The following PTPRD variants were observed in gnomAD, a reference collection of about 807,000 sequenced individuals.
The protein encoded by PTPRD is receptor-type tyrosine-protein phosphatase delta.
PTPRD carries 34 observed loss-of-function variants against 214.5 expected under a neutral mutation model. The observed-to-expected ratio is 0.16, with a 90% CI of 0.12 to 0.21. The LOEUF is 0.21. Among genes scored for constraint, PTPRD ranks in the 10% least tolerant of loss-of-function variants. The pLI is 1.00. For missense variants in PTPRD, 2,545 were observed against 2,398.7 expected (o/e 1.06, Z -1.27); for synonymous variants, 1,128 against 845.7 (o/e 1.33, Z -5.79).
intron 10 of PTPRD, among the ~76,000 whole-genome samples, chr9:9,068,342 C>T (rs1439226343): frequency 6.6e-6 from 1 of 152,088 alleles, no homozygotes; most frequent in Non-Finnish European, 1.5e-5. Context: ...CATAGGTTTC[C>T]CCCTCCCAGG....
chr9:9,309,199 T>G (rs921145225), intron 9 of PTPRD, among the ~76,000 whole-genome samples: 2 of 152,048 alleles, frequency 1.3e-5, no homozygotes, highest in Non-Finnish European at 2.9e-5. Context: ...GCCCTGTTCC[T>G]GCCTGAACTG....
intron 14 of PTPRD, among the ~76,000 whole-genome samples, chr9:8,594,908 G>T (rs1206020273): frequency 6.8e-6 from 1 of 146,140 alleles, no homozygotes; most frequent in Non-Finnish European, 1.5e-5. Flanking sequence ...TGTCACCCAG[G>T]CTGGAGTGCA....
chr9:10,543,945 A>G lies in PTPRD; in HGVS notation c.-600+68453T>C, dbSNP rs538443424. ...CAATGTGGAGCCTGATTGAAGGTAG[A>G]GGAGGGCAGCAATAATATAGAAAAG... On this transcript the variant is annotated intron_variant, in intron 2 of 45. Transcript: ENST00000381196. Among the ~76,000 whole-genome samples the G allele has an allele frequency of 1.2e-3, 186 of 152,282 alleles. 1 individual carries two copies. Among genetic ancestry groups the G allele is most frequent in the Non-Finnish European group, 5.6e-4 (38 of 68,018 alleles).
chr9:9,494,890 T>C (rs909862312), intron 8 of PTPRD, among the ~76,000 whole-genome samples: 1 of 152,156 alleles, frequency 6.6e-6, no homozygotes, highest in Non-Finnish European at 1.5e-5. Flanking sequence ...AACTGTAAGA[T>C]TCACACTGCC....
chr9:10,196,821 T>A (rs2099400213), intron 3 of PTPRD, among the ~76,000 whole-genome samples: 1 of 136,252 alleles, frequency 7.3e-6, no homozygotes, highest in South Asian at 2.5e-4. Flanking sequence ...GAAGTGGGGC[T>A]CTTAGGAAGT....
At chr9:8,396,602 T>G (rs1224645392) in intron 36 of PTPRD, among the ~76,000 whole-genome samples, 1 of 152,184 alleles carries the variant, frequency 6.6e-6, no homozygotes, top group East Asian at 1.9e-4. Flanking sequence ...ACTCTTCGAT[T>G]AGCTTTCTGA....
At chr9:10,360,428 A>G (rs2097357271) in intron 2 of PTPRD, among the ~76,000 whole-genome samples, 1 of 152,246 alleles carries the variant, frequency 6.6e-6, no homozygotes, top group African/African-American at 2.4e-5. Flanking sequence ...GTCATTGTCT[A>G]GAAAAAAGAC....
chr9:8,921,931 A>T (rs913098509), intron 11 of PTPRD, among the ~76,000 whole-genome samples: 42 of 152,180 alleles, frequency 2.8e-4, no homozygotes, highest in Non-Finnish European at 3.7e-4. Context: ...CTGGACACAG[A>T]AGAAGAGGAG....
chr9:10,387,582 C>G (rs937285755), intron 2 of PTPRD, among the ~76,000 whole-genome samples: 5 of 151,766 alleles, frequency 3.3e-5, no homozygotes, highest in African/African-American at 1.2e-4. Context: ...ACCAGGTCTT[C>G]TCCTCTTGCT....
intron 43 of PTPRD, among the ~76,000 whole-genome samples, chr9:8,338,181 C>T (rs1848844260): frequency 6.6e-6 from 1 of 152,060 alleles, no homozygotes; most frequent in Admixed American, 6.6e-5. Context: ...GTGACAGTTC[C>T]AAACACAAGG....
intron 37 of PTPRD, among the ~76,000 whole-genome samples, chr9:8,388,347 A>G (rs2088002662): frequency 6.6e-6 from 1 of 152,130 alleles, no homozygotes; most frequent in Non-Finnish European, 1.5e-5. Flanking sequence ...TACTATAACC[A>G]CAGTAAAAGA....
chr9:9,097,402 CTT>C (rs200629393), intron 10 of PTPRD, among the ~76,000 whole-genome samples: 1 of 143,462 alleles, frequency 7.0e-6, no homozygotes, highest in African/African-American at 2.6e-5. Flanking sequence ...CACCATGGCT[CTT>C]TTTTTTTTTT....
intron 5 of PTPRD, among the ~76,000 whole-genome samples, chr9:9,889,067 T>A (rs1453823084): frequency 6.6e-6 from 1 of 151,624 alleles, no homozygotes; most frequent in African/African-American, 2.4e-5. Context: ...TCTAAAAGAG[T>A]TGATCTTATA....
At chr9:9,576,052 T>C (rs2088635663) in intron 7 of PTPRD, among the ~76,000 whole-genome samples, 1 of 152,160 alleles carries the variant, frequency 6.6e-6, no homozygotes, top group Non-Finnish European at 1.5e-5. Context: ...AATTGCTATA[T>C]AATTTAAAAT....
At chr9:9,631,750 A>C (rs961781393) in intron 7 of PTPRD, among the ~76,000 whole-genome samples, 1 of 152,146 alleles carries the variant, frequency 6.6e-6, no homozygotes, top group African/African-American at 2.4e-5. Context: ...ACAACCACCT[A>C]AAATTAGTAG....
intron 3 of PTPRD, among the ~76,000 whole-genome samples, chr9:10,035,825 A>C (rs527941399): frequency 1.1e-5 from 1 of 93,698 alleles, no homozygotes; most frequent in East Asian, 7.5e-4. Flanking sequence ...TACTTCATTA[A>C]AAAAAAAAAT....
chr9:9,992,439 C>T, intron 4 of PTPRD, among the ~76,000 whole-genome samples: 1 of 152,156 alleles, frequency 6.6e-6, no homozygotes, highest in Non-Finnish European at 1.5e-5. Context: ...ACCCAGCCAT[C>T]CCATTACTGG....
intron 2 of PTPRD, among the ~76,000 whole-genome samples, chr9:10,503,217 A>AAAAAAAC (rs1406888502): frequency 6.7e-6 from 1 of 148,716 alleles, no homozygotes; most frequent in East Asian, 2.0e-4. Flanking sequence ...ACAAAAAAAA[A>AAAAAAAC]CACCATTTTT....
chr9:8,667,814 A>G (rs2097199442), intron 12 of PTPRD, among the ~76,000 whole-genome samples: 1 of 152,178 alleles, frequency 6.6e-6, no homozygotes, highest in Non-Finnish European at 1.5e-5. Context: ...GGTCCCGATC[A>G]TTTCAGATAA....
Sources: allele counts gnomAD v4.1 joint callset (sites outside exome capture counted in the v4.1 genomes callset), GRCh38; gene constraint gnomAD v4.1.1; transcripts MANE v1.5; gene names NCBI Gene and HGNC (gene_info 2026-07-23, HGNC 2026-07-21).